INPP5D: variants seen among roughly 807,000 people sequenced by gnomAD.
INPP5D encodes inositol polyphosphate-5-phosphatase D, also known as phosphatidylinositol 3,4,5-trisphosphate 5-phosphatase 1.
INPP5D carries 33 observed loss-of-function variants against 122.9 expected under a neutral mutation model. The ratio of observed to expected loss-of-function variants is 0.27; its 90% CI spans 0.20 to 0.36. The LOEUF is 0.36. Ranked by LOEUF, INPP5D falls within the 10% of genes least tolerant of loss-of-function variation. INPP5D has a pLI of 1.00. For missense variants in INPP5D, 1,053 were observed against 1,412.7 expected (o/e 0.75, Z 4.08); for synonymous variants, 584 against 576.2 (o/e 1.01, Z -0.19).
intron 2 of INPP5D, among the ~76,000 whole-genome samples, chr2:233,110,793 C>T (rs2106243258): frequency 6.6e-6 from 1 of 152,210 alleles, no homozygotes; most frequent in Middle Eastern, 3.4e-3. Flanking sequence ...GGTGTGGTGG[C>T]ACATGCCTGT....
At chr2:233,130,454 T>C in intron 4 of INPP5D, 54 bp from the exon 5 acceptor site, 1 of 1,587,928 alleles carries the variant, frequency 6.3e-7, no homozygotes, top group Non-Finnish European at 8.6e-7. Context: ...CCATTGGTGA[T>C]GGTGGCTAAA....
chr2:233,106,042 C>A (rs550100557), intron 2 of INPP5D, among the ~76,000 whole-genome samples: 1 of 152,302 alleles, frequency 6.6e-6, no homozygotes, highest in East Asian at 1.9e-4. Context: ...TCTCTCGCAG[C>A]CTCAGCTTCC....
intron 25 of INPP5D, 28 bp from the exon 26 acceptor site, chr2:233,204,098 G>A: frequency 6.8e-7 from 1 of 1,481,110 alleles, no homozygotes; most frequent in East Asian, 2.5e-5. Context: ...CTGGACATGT[G>A]TCTTCCCTGC....
At chr2:233,178,104 AAAT>A (rs1368435272) in intron 18 of INPP5D, among the ~76,000 whole-genome samples, 1 of 152,218 alleles carries the variant, frequency 6.6e-6, no homozygotes, top group Non-Finnish European at 1.5e-5. Context: ...ATATTAAAAT[AAAT>A]AATTATGGAA....
chr2:233,087,693 A>T (rs1691888959), intron 2 of INPP5D, among the ~76,000 whole-genome samples: 1 of 152,208 alleles, frequency 6.6e-6, no homozygotes, highest in Admixed American at 6.5e-5. Context: ...TATTCCTAGC[A>T]TGTAGTGAGT....
At chr2:233,142,882 A>T (rs1460303944) in intron 6 of INPP5D, among the ~76,000 whole-genome samples, 8 of 151,758 alleles carry the variant, frequency 5.3e-5, no homozygotes, top group Non-Finnish European at 1.2e-4. Context: ...TCTGTCGTGG[A>T]GGACTCCTGT....
chr2:233,163,021 C>T (rs1011459892), intron 11 of INPP5D, among the ~76,000 whole-genome samples: 3 of 152,164 alleles, frequency 2.0e-5, no homozygotes, highest in Non-Finnish European at 2.9e-5. Flanking sequence ...GTTCGGGCAC[C>T]CACTTTGAGC....
rs535649892 is a variant in INPP5D at position 233,102,041 on chromosome 2, AGTTC to A, written c.199-20062_199-20059del. Among the ~76,000 whole-genome samples, 106 of 152,110 alleles carry A rather than the reference AGTTC, an allele frequency of 7.0e-4. 1 individual carries two copies. The highest frequency in any genetic ancestry group is 2.5e-3 in the East Asian group (13 of 5,170). ...TGGGAGCCACGCCCCGGGCTCTGTT[AGTTC>A]GTTAAACCACTTGGGCAAGTAGGTC... On this transcript the variant is annotated intron_variant, in intron 2 of 26. Coordinates refer to ENST00000445964, the MANE Select transcript of INPP5D (RefSeq NM_001017915.3).
At chr2:233,172,864 A>G (rs930448091) in intron 17 of INPP5D, among the ~76,000 whole-genome samples, 44 of 152,344 alleles carry the variant, frequency 2.9e-4, no homozygotes, top group African/African-American at 8.4e-4. Context: ...TAACACAATA[A>G]GTTTTTGTGT....
chr2:233,164,546 C>A lies in INPP5D; in HGVS notation c.1555+122C>A, dbSNP rs1300607884. On this transcript the variant is annotated intron_variant, in intron 13 of 26. Transcript: ENST00000445964. This position sits in a 1 kb window ranked among gnomAD's most constrained non-coding sequence, Gnocchi z 4.3. ...AACAGAGAGCCTCACATCCTCAGAT[C>A]CTGGCTCAGTCCTCAGCAAATAGGG... The A allele has an allele frequency of 7.4e-7, 1 of 1,358,926 alleles. No individual in the cohort carries two copies. The highest frequency in any genetic ancestry group is 9.6e-7 in the Non-Finnish European group (1 of 1,036,726). 84.2% of individuals were successfully genotyped at this position (1,358,926 alleles called of 1,614,324 possible). A position where few individuals can be genotyped will look rare whatever the true frequency, so the allele number is the denominator to read the frequency against.
intron 4 of INPP5D, 90 bp downstream of exon 4, chr2:233,126,009 T>C: frequency 7.8e-7 from 1 of 1,281,006 alleles, no homozygotes; most frequent in Non-Finnish European, 1.1e-6. Context: ...ATCCTAGTTA[T>C]GGGCCTGGTG....
chr2:233,122,223 A>G lies in INPP5D; in HGVS notation c.315A>G (p.Glu105=), dbSNP rs2106256039. The change falls in exon 3 of 27, where the codon GAA becomes GAG. Residue 105 remains glutamate (E), a synonymous_variant. Transcript: ENST00000445964. ...TGCAATACCCTGTGCCGCTGGAGGA[A>G]GAGGACACAGGCGACGACCCTGAGG... ...THLQYPVPLE[E]EDTGDDPEED... is the part of the protein sequence containing the mutation. 6.2e-7 allele frequency: 1 copy of G among 1,613,946 alleles called. No homozygotes were observed. Among genetic ancestry groups the G allele is most frequent in the Non-Finnish European group, 8.5e-7 (1 of 1,179,876 alleles).
At chr2:233,064,702 G>C (rs1189732567) in intron 1 of INPP5D, among the ~76,000 whole-genome samples, 1 of 152,178 alleles carries the variant, frequency 6.6e-6, no homozygotes, top group Non-Finnish European at 1.5e-5. Context: ...GAGAAACAGA[G>C]ACCATAAGGT....
intron 17 of INPP5D, among the ~76,000 whole-genome samples, chr2:233,176,334 T>TGGAA: frequency 7.5e-6 from 1 of 133,776 alleles, no homozygotes; most frequent in African/African-American, 2.8e-5. Context: ...GATGGATGGA[T>TGGAA]GGATGGATGG....
rs557496495 is a variant in INPP5D, at chr2:233,133,036, C to T, written c.665+2388C>T. 3.3e-5 allele frequency among the ~76,000 whole-genome samples: 5 copies of T among 152,102 alleles called. No individual in the cohort carries two copies. In the South Asian group the frequency reaches 1.0e-3, roughly 32 times the overall value. On this transcript the variant is annotated intron_variant, in intron 5 of 26. Transcript: ENST00000445964. Reference sequence around the variant, plus strand: ...CCCTATCCTTGAGTCCCCCCACTCACTTGCTTCCCCCGAGTCCAATGGAGA... The same window carrying T: ...CCCTATCCTTGAGTCCCCCCACTCATTTGCTTCCCCCGAGTCCAATGGAGA...
intron 24 of INPP5D, among the ~76,000 whole-genome samples, chr2:233,195,714 C>T (rs183678636): frequency 6.0e-4 from 91 of 152,324 alleles, no homozygotes; most frequent in African/African-American, 2.0e-3. Flanking sequence ...TGCCTGTAAT[C>T]GCAGCACTTT....
chr2:233,089,273 A>T (rs868215939), intron 2 of INPP5D, among the ~76,000 whole-genome samples: 27 of 152,342 alleles, frequency 1.8e-4, no homozygotes, highest in Middle Eastern at 3.4e-3. Context: ...AGCCCCTGTC[A>T]GGAGCTAGGC....
rs182809535 is a variant in INPP5D at position 233,166,837 on chromosome 2, A to G, written c.1555+2413A>G. Among the ~76,000 whole-genome samples the G allele has an allele frequency of 2.0e-5, 3 of 152,142 alleles. No individual in the cohort carries two copies. The East Asian group carries it at 5.8e-4, about 29-fold the overall frequency. On this transcript the variant is annotated intron_variant, in intron 13 of 26. Coordinates refer to ENST00000445964, the MANE Select transcript of INPP5D (RefSeq NM_001017915.3). ...CCATCCCACTAAAAATACAAAAATT[A>G]GTTGGATGTGGTGGTGCGCACCTGT... is the stretch of plus-strand genomic sequence containing the variant.
intron 2 of INPP5D, among the ~76,000 whole-genome samples, chr2:233,101,219 T>A (rs1692302831): frequency 6.6e-6 from 1 of 152,180 alleles, no homozygotes; most frequent in African/African-American, 2.4e-5. Flanking sequence ...TTTGCCTATT[T>A]CTACCGTGGA....
Sources: allele counts gnomAD v4.1 joint callset (sites outside exome capture counted in the v4.1 genomes callset), GRCh38; gene constraint gnomAD v4.1.1; non-coding constraint Gnocchi (gnomAD v3.1); transcripts MANE v1.5; gene names NCBI Gene and HGNC (gene_info 2026-07-23, HGNC 2026-07-21).